Variants in STMN2 observed in about 807,000 individuals in gnomAD.
STMN2 encodes the protein stathmin-2.
A neutral mutation model predicts 24.1 loss-of-function variants in STMN2; 2 were observed. That is an observed-to-expected ratio of 0.08 (90% confidence interval 0.03 to 0.26). The LOEUF is 0.26. Ranked by LOEUF, STMN2 falls within the 10% of genes least tolerant of loss-of-function variation. The pLI is 1.00. For synonymous variants in STMN2, 83 were observed against 77.5 expected, an observed-to-expected ratio of 1.07 and a Z score of -0.37; for missense variants, 114 against 213.6, an observed-to-expected ratio of 0.53 and a Z score of 2.91.
At chr8:79,656,809 G>A (rs1008725452) in intron 4 of STMN2, among the ~76,000 whole-genome samples, 1 of 152,094 alleles carries the variant, frequency 6.6e-6, no homozygotes, top group African/African-American at 2.4e-5. Flanking sequence ...TATATCACTG[G>A]CAGTCCTGGA....
intron 4 of STMN2, among the ~76,000 whole-genome samples, chr8:79,656,996 C>G (rs1460120834): frequency 6.6e-6 from 1 of 152,098 alleles, no homozygotes; most frequent in Non-Finnish European, 1.5e-5. Flanking sequence ...GTCTCAGCCT[C>G]CCAAGTAGCT....
intron 1 of STMN2, among the ~76,000 whole-genome samples, chr8:79,631,878 T>C (rs1809808960): frequency 1.3e-5 from 2 of 152,140 alleles, no homozygotes; most frequent in South Asian, 2.1e-4. Flanking sequence ...AAAAAGGAAA[T>C]GTTATTTCCT....
At chr8:79,655,416 T>C (rs2130386636) in intron 4 of STMN2, among the ~76,000 whole-genome samples, 1 of 152,194 alleles carries the variant, frequency 6.6e-6, no homozygotes, top group African/African-American at 2.4e-5. Context: ...ATTATATTGA[T>C]ATAAGTATAA....
chr8:79,612,632 T>G (rs1400342280), intron 1 of STMN2, among the ~76,000 whole-genome samples: 1 of 152,188 alleles, frequency 6.6e-6, no homozygotes, highest in Admixed American at 6.5e-5. Flanking sequence ...CCCACGGTTC[T>G]GGCGCTCAGT....
chr8:79,639,173 G>A (rs1213718898), intron 2 of STMN2, among the ~76,000 whole-genome samples: 1 of 152,104 alleles, frequency 6.6e-6, no homozygotes, highest in African/African-American at 2.4e-5. Flanking sequence ...AACATAACCT[G>A]CTGGCTTGGT....
Position 79,665,834 on chromosome 8 carries a change from A to C in STMN2, c.*960A>C, listed in dbSNP as rs1377816661. ...GGTTGTTGCATTAAAACACACATAC[A>C]AACAAAATCAAAAACACTGCGGACT... On this transcript the variant is annotated 3_prime_UTR_variant, in exon 5 of 5. Coordinates refer to ENST00000220876, the MANE Select transcript of STMN2 (RefSeq NM_007029.4). 1 of 152,394 alleles carries C rather than the reference A, an allele frequency of 6.6e-6. No individual in the cohort carries two copies. Among genetic ancestry groups the C allele is most frequent in the African/African-American group, 2.4e-5 (1 of 41,448 alleles). The allele number at this position is 152,394 out of a possible 1,614,324, so 9.4% of individuals were successfully genotyped here. A position where few individuals can be genotyped will look rare whatever the true frequency, so the allele number is the denominator to read the frequency against.
chr8:79,624,116 T>C (rs1051926499), intron 1 of STMN2, among the ~76,000 whole-genome samples: 5 of 151,904 alleles, frequency 3.3e-5, no homozygotes, highest in Non-Finnish European at 7.4e-5. Flanking sequence ...ACAGTTGCAG[T>C]GTGTATTGGT....
intron 3 of STMN2, among the ~76,000 whole-genome samples, chr8:79,646,786 T>A (rs1351053318): frequency 6.6e-6 from 1 of 152,286 alleles, no homozygotes; most frequent in South Asian, 2.1e-4. Context: ...GTATCCTTTT[T>A]TAAAGGGGGA....
At chr8:79,640,999 T>C (rs980188191) in intron 2 of STMN2, among the ~76,000 whole-genome samples, 1 of 152,232 alleles carries the variant, frequency 6.6e-6, no homozygotes, top group Non-Finnish European at 1.5e-5. Context: ...ACAGCTACGA[T>C]AATTTCCAAA....
At chr8:79,629,464 C>A (rs1054487849) in intron 1 of STMN2, among the ~76,000 whole-genome samples, 2 of 152,086 alleles carry the variant, frequency 1.3e-5, no homozygotes, top group African/African-American at 2.4e-5. Flanking sequence ...TCACACTGTG[C>A]AAAACAATGC....
At chr8:79,631,547 A>T in intron 1 of STMN2, 1 of 726,642 alleles carries the variant, frequency 1.4e-6, no homozygotes, top group Non-Finnish European at 1.7e-6. Flanking sequence ...AGGGTATTTT[A>T]AAATCTGAGT....
intron 4 of STMN2, among the ~76,000 whole-genome samples, chr8:79,660,886 G>A (rs1326373722): frequency 6.6e-6 from 1 of 151,720 alleles, no homozygotes; most frequent in African/African-American, 2.4e-5. Flanking sequence ...TCCCACTTAT[G>A]AGAACATATG....
At chr8:79,620,846 A>T in intron 1 of STMN2, 1 of 347,346 alleles carries the variant, frequency 2.9e-6, no homozygotes, top group Non-Finnish European at 4.0e-6. Context: ...CCACCCCCAG[A>T]GGTTCTCACT....
intron 1 of STMN2, among the ~76,000 whole-genome samples, chr8:79,616,898 C>CGA (rs141543143): frequency 2.0e-5 from 3 of 151,376 alleles, no homozygotes; most frequent in Non-Finnish European, 2.9e-5. Flanking sequence ...TGCGTGTGTG[C>CGA]GAGAGAGAGA....
intron 1 of STMN2, among the ~76,000 whole-genome samples, chr8:79,629,178 C>T (rs1809738183): frequency 6.6e-6 from 1 of 152,122 alleles, no homozygotes; most frequent in African/African-American, 2.4e-5. Flanking sequence ...CTGTTATTCC[C>T]ACATACTGCC....
intron 4 of STMN2, chr8:79,663,456 T>A: frequency 2.0e-6 from 1 of 503,534 alleles, no homozygotes; most frequent in East Asian, 3.1e-5. Context: ...AGGTAAAACG[T>A]GTACTGATGC....
intron 4 of STMN2, among the ~76,000 whole-genome samples, chr8:79,658,736 G>A (rs1038053137): frequency 7.9e-5 from 12 of 152,146 alleles, no homozygotes; most frequent in African/African-American, 2.9e-4. Flanking sequence ...GAGCATTCAA[G>A]CATATTTTCA....
intron 1 of STMN2, among the ~76,000 whole-genome samples, chr8:79,613,300 C>T (rs1809291807): frequency 6.6e-6 from 1 of 152,202 alleles, no homozygotes; most frequent in Non-Finnish European, 1.5e-5. Context: ...CTACCGCTGG[C>T]CGGGTGGGGG....
intron 3 of STMN2, among the ~76,000 whole-genome samples, chr8:79,642,700 A>G (rs944098371): frequency 2.9e-4 from 44 of 152,192 alleles, no homozygotes; most frequent in African/African-American, 9.6e-4. Context: ...TATGTACACA[A>G]ATATGTGTAT....
Sources: gnomAD v4.1 joint callset for allele counts (sites outside exome capture counted in the v4.1 genomes callset) on GRCh38, gnomAD v4.1.1 for gene constraint, MANE v1.5 for transcripts, NCBI Gene and HGNC (gene_info 2026-07-23, HGNC 2026-07-21) for gene names.